SPATA1: variants seen among roughly 807,000 people sequenced by gnomAD.
SPATA1 encodes spermatogenesis-associated protein 1.
SPATA1 carries 57 observed loss-of-function variants against 59.6 expected under a neutral mutation model. The ratio of observed to expected loss-of-function variants is 0.96; its 90% CI spans 0.77 to 1.19. The LOEUF is 1.19. SPATA1 is among the 50% of genes most tolerant of loss of function. The pLI, the probability that SPATA1 is intolerant of heterozygous loss-of-function variation, is 0.00. For missense variants in SPATA1, 448 were observed against 480.7 expected, an observed-to-expected ratio of 0.93 and a Z score of 0.64; for synonymous variants, 147 against 163.9, an observed-to-expected ratio of 0.90 and a Z score of 0.79.
intron 8 of SPATA1, among the ~76,000 whole-genome samples, chr1:84,536,862 G>T (rs1192904372): frequency 6.9e-6 from 1 of 145,396 alleles, no homozygotes; most frequent in Non-Finnish European, 1.5e-5. Context: ...GACTATACTT[G>T]ATTTGTTTTT....
intron 1 of SPATA1, chr1:84,506,782 C>G (rs41284591): frequency 6.6e-6 from 1 of 152,306 alleles, no homozygotes; most frequent in Non-Finnish European, 1.5e-5. Flanking sequence ...CGGAGCCGGG[C>G]GGGCGGGGAG....
intron 8 of SPATA1, among the ~76,000 whole-genome samples, chr1:84,543,685 G>A (rs1683984551): frequency 6.6e-6 from 1 of 151,988 alleles, no homozygotes; most frequent in Admixed American, 6.6e-5. Flanking sequence ...TATTTGGATG[G>A]GGACACAGAT....
At chr1:84,545,908 A>G (rs1157320621) in intron 10 of SPATA1, 149 bp downstream of exon 10, 1 of 515,516 alleles carries the variant, frequency 1.9e-6, no homozygotes, top group East Asian at 3.9e-5. Flanking sequence ...CAATATAGAA[A>G]ACATGAAATT....
rs192485288 is a variant in SPATA1 at position 84,532,412 on chromosome 1, C to T, written c.545-448C>T. Among the ~76,000 whole-genome samples the T allele has an allele frequency of 5.6e-4, 86 of 152,238 alleles. 1 individual carries two copies. The highest frequency in any genetic ancestry group is 1.5e-4 in the Non-Finnish European group (10 of 68,022). Reference sequence around the variant, plus strand: ...TTGGGAGGCTGAGGCAGGAGAATCGCTTGAACCTGGGAGGCAGAGGCTACA... The same window carrying T: ...TTGGGAGGCTGAGGCAGGAGAATCGTTTGAACCTGGGAGGCAGAGGCTACA... On this transcript the variant is annotated intron_variant, in intron 6 of 12. Transcript: ENST00000490879.
intron 1 of SPATA1, among the ~76,000 whole-genome samples, chr1:84,513,099 G>A (rs987001250): frequency 6.6e-6 from 1 of 152,186 alleles, no homozygotes; most frequent in African/African-American, 2.4e-5. Context: ...TTCTAAGCAT[G>A]CCTAAAGTTT....
At chr1:84,553,599 G>C (rs1202435334) in exon 13 of SPATA1, 1 of 152,192 alleles carries the variant, frequency 6.6e-6, no homozygotes, top group African/African-American at 2.4e-5. Context: ...AGCTATGATA[G>C]AGATAAGCAT....
intron 12 of SPATA1, chr1:84,551,400 A>G (rs562245482): frequency 1.3e-3 from 783 of 617,634 alleles, no homozygotes; most frequent in Non-Finnish European, 1.5e-3. Flanking sequence ...ATAAAAAAAT[A>G]GAATTAGCAC....
intron 8 of SPATA1, among the ~76,000 whole-genome samples, chr1:84,538,792 ATTGGTT>A (rs943814336): frequency 1.8e-4 from 27 of 152,016 alleles, no homozygotes; most frequent in Admixed American, 1.4e-3. Flanking sequence ...TTGTGGGGTT[ATTGGTT>A]TTGGTTTTGG....
Position 84,532,843 on chromosome 1 carries a change from A to G in SPATA1, c.545-17A>G. The G allele has an allele frequency of 6.7e-7, 1 of 1,502,730 alleles. No homozygotes were observed. Among genetic ancestry groups the G allele is most frequent in the African/African-American group, 1.4e-5 (1 of 72,060 alleles). 93.1% of individuals were successfully genotyped at this position (1,502,730 alleles called of 1,614,324 possible). On this transcript the variant is annotated splice_polypyrimidine_tract_variant and intron_variant, in intron 6 of 12. Coordinates refer to ENST00000490879, the Ensembl canonical transcript of SPATA1. ...ACATTCTGAACTTTATTTGCTGTGG[A>G]TGACCATCAACATCAGCTGGGGGAA...
At chr1:84,546,865 G>A (rs1032638762) in intron 10 of SPATA1, among the ~76,000 whole-genome samples, 1 of 152,188 alleles carries the variant, frequency 6.6e-6, no homozygotes, top group Non-Finnish European at 1.5e-5. Flanking sequence ...TTTTCTTGCA[G>A]TACAATTAGA....
chr1:84,562,079 A>T (rs767608935), intron 4 of SPATA1, among the ~76,000 whole-genome samples: 47 of 152,252 alleles, frequency 3.1e-4, no homozygotes, highest in Non-Finnish European at 2.1e-4. Flanking sequence ...GTTTCTAAGA[A>T]TGCTGTGAAA....
intron 4 of SPATA1, among the ~76,000 whole-genome samples, chr1:84,565,119 A>G (rs1684666496): frequency 6.6e-6 from 1 of 152,062 alleles, no homozygotes. Flanking sequence ...GCTAAGGCTG[A>G]GCTTGTGAGG....
intron 6 of SPATA1, among the ~76,000 whole-genome samples, chr1:84,526,854 C>T (rs1423379820): frequency 1.7e-5 from 2 of 114,874 alleles, no homozygotes; most frequent in African/African-American, 3.7e-5. Flanking sequence ...GGTGACAGAG[C>T]GAGACTTTGT....
At chr1:84,515,280 A>T (rs771206823) in intron 1 of SPATA1, among the ~76,000 whole-genome samples, 2 of 152,202 alleles carry the variant, frequency 1.3e-5, no homozygotes, top group Non-Finnish European at 2.9e-5. Flanking sequence ...GGCAAATCAC[A>T]TTCTAAGTTT....
intron 4 of SPATA1, among the ~76,000 whole-genome samples, chr1:84,562,324 C>T (rs973616055): frequency 6.6e-6 from 1 of 152,156 alleles, no homozygotes; most frequent in Non-Finnish European, 1.5e-5. Context: ...GATAAGATTA[C>T]AATACACTCT....
intron 6 of SPATA1, among the ~76,000 whole-genome samples, chr1:84,530,839 A>G (rs1683437216): frequency 6.6e-6 from 1 of 152,234 alleles, no homozygotes. Flanking sequence ...CATTATGGAT[A>G]AAAATGCTTC....
At chr1:84,518,433 A>G (rs1333944386) in intron 2 of SPATA1, among the ~76,000 whole-genome samples, 1 of 152,038 alleles carries the variant, frequency 6.6e-6, no homozygotes, top group East Asian at 1.9e-4. Context: ...TAGTGTCATG[A>G]TGTCCTGTTT....
chr1:84,556,658 G>C (rs1310723485), downstream of SPATA1, among the ~76,000 whole-genome samples: 1 of 145,320 alleles, frequency 6.9e-6, no homozygotes, highest in East Asian at 2.0e-4. Flanking sequence ...GTTGCAGTAA[G>C]CTGAGATCAC....
At chr1:84,546,998 TA>T (rs1390450230) in intron 10 of SPATA1, among the ~76,000 whole-genome samples, 1 of 152,116 alleles carries the variant, frequency 6.6e-6, no homozygotes, top group African/African-American at 2.4e-5. Context: ...ATTATAAGGA[TA>T]AAAGGTATCT....
Sources: allele counts gnomAD v4.1 joint callset (sites outside exome capture counted in the v4.1 genomes callset), GRCh38; gene constraint gnomAD v4.1.1; transcripts MANE v1.5; gene names NCBI Gene and HGNC (gene_info 2026-07-23, HGNC 2026-07-21).